Variants in PHF3 observed in about 807,000 individuals in gnomAD.
PHF3 encodes PHD finger protein 3.
In PHF3, 41 loss-of-function variants were observed where a neutral mutation model predicts 178.4. That is an observed-to-expected ratio of 0.23 (90% CI 0.18 to 0.30). The LOEUF (loss-of-function observed/expected upper bound fraction) is 0.30, where lower values mean the gene tolerates loss of function less well. Ranked by LOEUF, PHF3 falls within the 10% of genes least tolerant of loss-of-function variation. The pLI is 1.00. For synonymous variants in PHF3, 842 were observed against 800.5 expected, an observed-to-expected ratio of 1.05 and a Z score of -0.88; for missense variants, 2,346 against 2,398.1, an observed-to-expected ratio of 0.98 and a Z score of 0.45.
chr6:63,710,312 T>C (rs1316953812), intron 14 of PHF3, among the ~76,000 whole-genome samples: 1 of 152,212 alleles, frequency 6.6e-6, no homozygotes, highest in East Asian at 1.9e-4. Context: ...ATTTAACAGA[T>C]TTAAACACTC....
Position 63,723,455 on chromosome 6 carries a change from G to T in PHF3, c.*9747G>T, listed in dbSNP as rs553094026. 4.8e-4 allele frequency among the ~76,000 whole-genome samples: 73 copies of T among 152,168 alleles called. No individual in the cohort carries two copies. The highest frequency in any genetic ancestry group is 1.8e-3 in the Admixed American group (28 of 15,276). ...CAAGATTATGGAGGAAGCTTTTCTT[G>T]CTCCTTGTGTTGTAGAGTGTTCCTG... On this transcript the variant is annotated 3_prime_UTR_variant, in exon 16 of 16. Transcript: ENST00000262043.
At chr6:63,707,365 AC>A (rs1001790968) in intron 13 of PHF3, among the ~76,000 whole-genome samples, 4 of 152,268 alleles carry the variant, frequency 2.6e-5, no homozygotes, top group African/African-American at 9.6e-5. Flanking sequence ...CTAGTTGAAA[AC>A]CAGTGAGACT....
chr6:63,722,987 CAG>C lies in PHF3; in HGVS notation c.*9280_*9281del, dbSNP rs1202542615. Reference sequence around the variant, plus strand: ...CACTAGGTTGTAAGCTTTATGAGAACAGGGTCTGTGTTTGGTTTGGTCCAACA... The same window carrying C: ...CACTAGGTTGTAAGCTTTATGAGAACGGTCTGTGTTTGGTTTGGTCCAACA... On this transcript the variant is annotated 3_prime_UTR_variant, in exon 16 of 16. Coordinates refer to ENST00000262043, the MANE Select transcript of PHF3 (RefSeq NM_001370348.2). Among the ~76,000 whole-genome samples the C allele has an allele frequency of 6.6e-6, 1 of 152,194 alleles. No individual in the cohort carries two copies. Among genetic ancestry groups the C allele is most frequent in the African/African-American group, 2.4e-5 (1 of 41,432 alleles).
chr6:63,637,506 G>A lies in PHF3; in HGVS notation c.-26+1356G>A, dbSNP rs1486637733. Among the ~76,000 whole-genome samples, 9 of 152,296 alleles carry A rather than the reference G, an allele frequency of 5.9e-5. 1 individual carries two copies. In the South Asian group the frequency reaches 6.2e-4, roughly 11 times the overall value. ...TAGCTCCCTTCCACAGCACAAAAAG[G>A]TGTTGTGTAAAGATTATTGTTATTT... On this transcript the variant is annotated intron_variant, in intron 1 of 15. Coordinates refer to ENST00000262043, the MANE Select transcript of PHF3 (RefSeq NM_001370348.2).
At chr6:63,689,249 A>C (rs1330089833) in intron 4 of PHF3, among the ~76,000 whole-genome samples, 1 of 152,192 alleles carries the variant, frequency 6.6e-6, no homozygotes, top group Non-Finnish European at 1.5e-5. Context: ...GTAAGGAGGA[A>C]GTCTTAGTTT....
rs986679506 is a variant in PHF3, at chr6:63,721,776, A to G, written c.*8068A>G. 3 of 1,544,570 alleles carry G rather than the reference A, an allele frequency of 1.9e-6. No individual in the cohort carries two copies. Among genetic ancestry groups the G allele is most frequent in the African/African-American group, 2.8e-5 (2 of 72,678 alleles). ...GCGAAGTTGAACGGAACTATTTACT[A>G]AAGAGATGCATAAAAAATCACCTGC... On this transcript the variant is annotated 3_prime_UTR_variant, in exon 16 of 16. Coordinates refer to ENST00000262043, the MANE Select transcript of PHF3 (RefSeq NM_001370348.2).
Position 63,690,485 on chromosome 6 carries a change from T to G in PHF3, c.2190-1252T>G, listed in dbSNP as rs1766949526. The stretch of plus-strand genomic sequence containing the variant: ...TAAGGATTGGAACTCACTCTTGTAG[T>G]TTTTACAGTTTTAACATTAAAACAG... On this transcript the variant is annotated intron_variant, in intron 4 of 15. Coordinates refer to ENST00000262043, the MANE Select transcript of PHF3 (RefSeq NM_001370348.2). 2.0e-5 allele frequency among the ~76,000 whole-genome samples: 3 copies of G among 152,252 alleles called. No homozygotes were observed. In the South Asian group the frequency reaches 6.2e-4, roughly 31 times the overall value.
chr6:63,635,926 C>T lies in PHF3; in HGVS notation c.-250C>T, dbSNP rs62412942. On this transcript the variant is annotated 5_prime_UTR_variant, in exon 1 of 16. Transcript: ENST00000262043. ...GCGACCTTCGGGCTCAGGGCGGCGG[C>T]GGCTGCAACGAGGATTAGGAGGGCG... 0.016 allele frequency: 6,552 copies of T among 397,896 alleles called. 78 individuals are homozygous for T. Among genetic ancestry groups the T allele is most frequent in the Non-Finnish European group, 0.022 (4,928 of 225,676 alleles). 24.6% of individuals were successfully genotyped at this position (397,896 alleles called of 1,614,324 possible).
Position 63,691,781 on chromosome 6 carries a change from A to G in PHF3, c.2234A>G (p.Asp745Gly). Reference sequence around the variant, plus strand: ...AGATGTGATGACTGGTTTCATGGTGATTGTGTTGGGTTAAGTCTTTCTCAA... The same window carrying G: ...AGATGTGATGACTGGTTTCATGGTGGTTGTGTTGGGTTAAGTCTTTCTCAA... ...CGRCDDWFHG[D>G]CVGLSLSQAQ... Residue 745 changes from aspartate (D) to glycine (G), a missense_variant, in exon 5 of 16, where the codon GAT (aspartate) becomes GGT (glycine). Physicochemically the swap from Asp to Gly is moderately conservative, Grantham distance 94. This residue lies in a region of PHF3 where 72 missense variants were observed against 110.5 expected (regional missense o/e 0.65). Coordinates refer to ENST00000262043, the MANE Select transcript of PHF3 (RefSeq NM_001370348.2). The G allele has an allele frequency of 1.2e-6, 2 of 1,613,196 alleles. No individual in the cohort carries two copies. Among genetic ancestry groups the G allele is most frequent in the South Asian group, 2.2e-5 (2 of 91,010 alleles).
chr6:63,655,135 C>T (rs951848507), intron 2 of PHF3, among the ~76,000 whole-genome samples: 1 of 152,096 alleles, frequency 6.6e-6, no homozygotes, highest in South Asian at 2.1e-4. Context: ...ACTATCTCAG[C>T]TCACTGCAAC....
intron 1 of PHF3, among the ~76,000 whole-genome samples, chr6:63,638,800 T>A (rs1160594875): frequency 6.6e-6 from 1 of 152,164 alleles, no homozygotes; most frequent in Non-Finnish European, 1.5e-5. Flanking sequence ...CTTTTTCAAC[T>A]ATAAAAATTG....
Position 63,700,415 on chromosome 6 carries a change from A to G in PHF3, c.3048A>G (p.Glu1016=), listed in dbSNP as rs1244952585. ...TPDHLIRMSP[E]ELASKELAAW... is the part of the protein sequence containing the mutation. ...ATCATCTTATCAGAATGAGTCCAGAAGAACTAGCTTCTAAAGAGTTAGCTG... is the reference window on the plus strand; with the variant it reads ...ATCATCTTATCAGAATGAGTCCAGAGGAACTAGCTTCTAAAGAGTTAGCTG... Residue 1016 remains glutamate (E), a synonymous_variant, in exon 9 of 16, where the codon GAA becomes GAG. Coordinates refer to ENST00000262043, the MANE Select transcript of PHF3 (RefSeq NM_001370348.2). 9.3e-6 allele frequency: 15 copies of G among 1,606,476 alleles called. No homozygotes were observed. Among genetic ancestry groups the G allele is most frequent in the Non-Finnish European group, 1.3e-5 (15 of 1,173,910 alleles).
chr6:63,635,920 CGGCGGCGGCTGCAACGAGGATTAGGAG>C lies in PHF3; in HGVS notation c.-248_-222del. On this transcript the variant is annotated 5_prime_UTR_variant, in exon 1 of 16. Transcript: ENST00000262043. ...CGGCAAGCGACCTTCGGGCTCAGGGCGGCGGCGGCTGCAACGAGGATTAGGAGGGCGGCGCGGAAGCCAAGAATAGTG... is the reference window on the plus strand; with the variant it reads ...CGGCAAGCGACCTTCGGGCTCAGGGCGGCGGCGCGGAAGCCAAGAATAGTG... The C allele has an allele frequency of 2.5e-6, 1 of 397,692 alleles. No homozygotes were observed. The highest frequency in any genetic ancestry group is 4.4e-6 in the Non-Finnish European group (1 of 225,530). 24.6% of individuals were successfully genotyped at this position (397,692 alleles called of 1,614,324 possible).
Position 63,722,436 on chromosome 6 carries a change from C to T in PHF3, c.*8728C>T, listed in dbSNP as rs1160552645. ...AGTGCCTTAATATCACTAGGTTTCC[C>T]TCCATTACAGTATATCTCATTTTAT... On this transcript the variant is annotated 3_prime_UTR_variant, in exon 16 of 16. Transcript: ENST00000262043. 1.3e-5 allele frequency among the ~76,000 whole-genome samples: 2 copies of T among 152,118 alleles called. No homozygotes were observed. Among genetic ancestry groups the T allele is most frequent in the Admixed American group, 6.6e-5 (1 of 15,256 alleles).
chr6:63,667,476 C>T (rs1765729748), intron 2 of PHF3, among the ~76,000 whole-genome samples: 1 of 152,184 alleles, frequency 6.6e-6, no homozygotes, highest in Non-Finnish European at 1.5e-5. Flanking sequence ...ACCAGTTCAT[C>T]CATCCAGTCT....
At chr6:63,707,846 G>GTTTT (rs1767758131) in intron 13 of PHF3, among the ~76,000 whole-genome samples, 2 of 57,794 alleles carry the variant, frequency 3.5e-5, no homozygotes, top group Admixed American at 1.9e-4. Context: ...AGCAGTTGTG[G>GTTTT]GTTTGTTTTT....
chr6:63,641,219 G>A (rs1487070447), intron 1 of PHF3, among the ~76,000 whole-genome samples: 1 of 152,182 alleles, frequency 6.6e-6, no homozygotes, highest in Non-Finnish European at 1.5e-5. Flanking sequence ...CTGGGTCTTT[G>A]TCTGGATTGC....
intron 11 of PHF3, among the ~76,000 whole-genome samples, chr6:63,705,203 G>A (rs113456422): frequency 3.1e-4 from 47 of 152,306 alleles, no homozygotes; most frequent in Middle Eastern, 6.8e-3. Context: ...TGGTAAAATT[G>A]TCAGAGAATT....
chr6:63,688,036 T>C (rs550986302), intron 4 of PHF3, among the ~76,000 whole-genome samples: 5 of 151,528 alleles, frequency 3.3e-5, no homozygotes, highest in African/African-American at 4.8e-5. Flanking sequence ...TACAAAAAAT[T>C]AGCTGGGCGT....
Sources: allele counts gnomAD v4.1 joint callset (sites outside exome capture counted in the v4.1 genomes callset), GRCh38; gene constraint gnomAD v4.1.1; regional missense constraint gnomAD v4.1.1; transcripts MANE v1.5; gene names NCBI Gene and HGNC (gene_info 2026-07-23, HGNC 2026-07-21).